ACOT11: variants seen among roughly 807,000 people sequenced by gnomAD.
ACOT11 encodes the protein acyl-coenzyme A thioesterase 11.
ACOT11 carries 69 observed loss-of-function variants against 77.5 expected under a neutral mutation model. The ratio of observed to expected loss-of-function variants is 0.89; its 90% CI spans 0.73 to 1.09. ACOT11 has a LOEUF of 1.09. ACOT11 is among the 50% of genes least tolerant of loss of function. The pLI, the probability that ACOT11 is intolerant of heterozygous loss-of-function variation, is 0.00. For synonymous variants in ACOT11, 279 were observed against 313.0 expected, an observed-to-expected ratio of 0.89 and a Z score of 1.15; for missense variants, 766 against 813.7, an observed-to-expected ratio of 0.94 and a Z score of 0.71.
At chr1:54,624,882 G>A (rs1166527271) in intron 15 of ACOT11, among the ~76,000 whole-genome samples, 2 of 151,962 alleles carry the variant, frequency 1.3e-5, no homozygotes, top group Admixed American at 1.3e-4. Context: ...GTGCTCAGGG[G>A]GTGCTATTCT....
At chr1:54,629,865 C>T (rs554971763) in intron 15 of ACOT11, among the ~76,000 whole-genome samples, 1 of 134,100 alleles carries the variant, frequency 7.5e-6, no homozygotes, top group Admixed American at 7.6e-5. Flanking sequence ...AAGGCATGAA[C>T]TACCACACCC....
intron 6 of ACOT11, among the ~76,000 whole-genome samples, chr1:54,597,019 G>A (rs1643895002): frequency 6.6e-6 from 1 of 152,242 alleles, no homozygotes; most frequent in Non-Finnish European, 1.5e-5. Context: ...GCAGTCTGGA[G>A]TGGAGCTGAG....
Position 54,599,393 on chromosome 1 carries a change from G to A in ACOT11, c.862G>A (p.Val288Met), listed in dbSNP as rs139645585. The A allele has an allele frequency of 2.6e-5, 42 of 1,605,510 alleles. No individual in the cohort carries two copies. Among genetic ancestry groups the A allele is most frequent in the Non-Finnish European group, 3.5e-5 (41 of 1,175,740 alleles). The stretch of plus-strand genomic sequence containing the variant: ...CGACCGTCTGGTGCTCAAAGCCATC[G>A]TGAACAATGCCTTCAAACATAGGTG... ...VGDRLVLKAI[V>M]NNAFKHSMEV... The change falls in exon 8 of 16, where the codon GTG becomes ATG. Residue 288 changes from valine to methionine, a missense_variant. Transcript: ENST00000343744.
chr1:54,565,857 G>C lies in ACOT11; in HGVS notation c.33+17515G>C, dbSNP rs1236747648. 2.6e-5 allele frequency among the ~76,000 whole-genome samples: 4 copies of C among 152,270 alleles called. No homozygotes were observed. The East Asian group carries it at 7.7e-4, about 29-fold the overall frequency. On this transcript the variant is annotated intron_variant, in intron 1 of 15. Coordinates refer to ENST00000343744, the MANE Select transcript of ACOT11 (RefSeq NM_147161.4). ...CAAAGCCCCTTCCAACTGCTACCTT[G>C]TTTCTTTGCTGCCTTTTCCCACACA...
chr1:54,602,656 A>T lies in ACOT11; in HGVS notation c.1030-13A>T. 4.6e-6 allele frequency: 7 copies of T among 1,525,288 alleles called. No individual in the cohort carries two copies. Among genetic ancestry groups the T allele is most frequent in the Non-Finnish European group, 6.2e-6 (7 of 1,137,742 alleles). 94.5% of individuals were successfully genotyped at this position (1,525,288 alleles called of 1,614,324 possible). A position where few individuals can be genotyped will look rare whatever the true frequency, so the allele number is the denominator to read the frequency against. On this transcript the variant is annotated splice_polypyrimidine_tract_variant and intron_variant, in intron 9 of 15. Coordinates refer to ENST00000343744, the MANE Select transcript of ACOT11 (RefSeq NM_147161.4). ...TGGGGGTAGCTGGTTGCCTATCCCG[A>T]CTTCCTCCCCAGGATGGTGAGCGGC...
downstream of ACOT11, chr1:54,614,843 G>C: frequency 6.2e-7 from 1 of 1,613,918 alleles, no homozygotes; most frequent in Non-Finnish European, 8.5e-7. Flanking sequence ...TGATGTTCTT[G>C]AAGTCCAGTT....
chr1:54,610,665 A>C, downstream of ACOT11: 1 of 1,469,220 alleles, frequency 6.8e-7, no homozygotes, highest in Non-Finnish European at 9.0e-7. Flanking sequence ...TCTAAGCCTC[A>C]TAGCACCCTG....
chr1:54,601,342 T>G lies in ACOT11; in HGVS notation c.958T>G (p.Phe320Val). The G allele has an allele frequency of 1.9e-6, 3 of 1,613,754 alleles. No individual in the cohort carries two copies. The highest frequency in any genetic ancestry group is 1.7e-4 in the Middle Eastern group (1 of 6,060). The change falls in exon 9 of 16, where the codon TTT (phenylalanine) becomes GTT (valine). Residue 320 changes from phenylalanine (F) to valine (V), a missense_variant. Phe to Val is a conservative substitution (Grantham distance 50, BLOSUM62 -1). Transcript: ENST00000343744. ...ETHRRHINSA[F>V]MTFVVLDADD... Reference sequence around the variant, plus strand: ...CCACCGGCGCCACATCAACAGTGCCTTTATGACCTTTGTGGTCCTGGACGC... The same window carrying G: ...CCACCGGCGCCACATCAACAGTGCCGTTATGACCTTTGTGGTCCTGGACGC...
At chr1:54,578,273 A>G (rs147378704) in intron 1 of ACOT11, among the ~76,000 whole-genome samples, 2 of 152,308 alleles carry the variant, frequency 1.3e-5, no homozygotes, top group African/African-American at 4.8e-5. Flanking sequence ...GGTCAGCAAG[A>G]CACAGCTCTC....
chr1:54,559,062 C>T (rs957242044), intron 1 of ACOT11, among the ~76,000 whole-genome samples: 4 of 152,172 alleles, frequency 2.6e-5, no homozygotes, highest in African/African-American at 4.8e-5. Context: ...CCGTGAGAGA[C>T]GAGGCACAGA....
chr1:54,614,987 G>A (rs907726382), downstream of ACOT11: 6 of 901,736 alleles, frequency 6.7e-6, no homozygotes, highest in African/African-American at 5.0e-5. Flanking sequence ...AGGGGAGGGC[G>A]GAAGGACCAG....
At chr1:54,591,665 C>G (rs545866355) in intron 3 of ACOT11, among the ~76,000 whole-genome samples, 1 of 152,222 alleles carries the variant, frequency 6.6e-6, no homozygotes, top group African/African-American at 2.4e-5. Flanking sequence ...CCCTCTGCCC[C>G]CTCCATTAGG....
At chr1:54,594,208 C>T (rs1341793820) in intron 5 of ACOT11, among the ~76,000 whole-genome samples, 169 bp downstream of exon 5, 2 of 152,138 alleles carry the variant, frequency 1.3e-5, no homozygotes, top group African/African-American at 4.8e-5. Flanking sequence ...CATTGGAATC[C>T]CCCAGCCCCC....
downstream of ACOT11, chr1:54,611,562 T>C (rs771581197): frequency 1.9e-6 from 3 of 1,605,258 alleles, no homozygotes; most frequent in Non-Finnish European, 2.6e-6. Flanking sequence ...TGCTGCTCCA[T>C]GCAGAATCCA....
rs748933316 is a variant in ACOT11 at position 54,594,593 on chromosome 1, A to G, written c.509A>G (p.Glu170Gly). The change falls in exon 6 of 16, where the codon GAG becomes GGG. Residue 170 changes from glutamate (E) to glycine (G), a missense_variant. Physicochemically the swap from Glu to Gly is moderately conservative, Grantham distance 98. Transcript: ENST00000343744. ...LKQITPRTEEEKMEHSVAAER... is the reference protein window; with the variant it reads ...LKQITPRTEEGKMEHSVAAER... Reference sequence around the variant, plus strand: ...CAGATCACGCCGCGGACAGAAGAGGAGAAGATGGAGCACAGTGTGGCGGCT... The same window carrying G: ...CAGATCACGCCGCGGACAGAAGAGGGGAAGATGGAGCACAGTGTGGCGGCT... The G allele has an allele frequency of 6.2e-7, 1 of 1,614,172 alleles. No individual in the cohort carries two copies. Among genetic ancestry groups the G allele is most frequent in the East Asian group, 2.2e-5 (1 of 44,886 alleles).
At chr1:54,601,450 C>T in intron 9 of ACOT11, 37 bp downstream of exon 9, 1 of 1,596,556 alleles carries the variant, frequency 6.3e-7, no homozygotes, top group Non-Finnish European at 8.5e-7. Context: ...CCAGCAGCTC[C>T]CCTCCCCTCC....
intron 1 of ACOT11, among the ~76,000 whole-genome samples, chr1:54,553,450 C>T (rs995477788): frequency 1.3e-5 from 2 of 149,628 alleles, no homozygotes; most frequent in South Asian, 2.1e-4. Context: ...CCTGGGTGAC[C>T]GAACAAGACT....
At chr1:54,635,331 G>A (rs183102723) in exon 17 of ACOT11, 3 of 260,930 alleles carry the variant, frequency 1.1e-5, no homozygotes, top group African/African-American at 2.3e-5. Context: ...CAGTCAGATG[G>A]TAGAAATGTT....
At chr1:54,564,604 C>T (rs1361219047) in intron 1 of ACOT11, among the ~76,000 whole-genome samples, 1 of 152,220 alleles carries the variant, frequency 6.6e-6, no homozygotes, top group Non-Finnish European at 1.5e-5. Context: ...CGAGCTGAAG[C>T]AGGTAGGTCT....
Sources: gnomAD v4.1 joint callset for allele counts (sites outside exome capture counted in the v4.1 genomes callset) on GRCh38, gnomAD v4.1.1 for gene constraint, MANE v1.5 for transcripts, NCBI Gene and HGNC (gene_info 2026-07-23, HGNC 2026-07-21) for gene names.